The following MACROD2 variants were observed in gnomAD, a reference collection of about 807,000 sequenced individuals.
The protein encoded by MACROD2 is mono-ADP ribosylhydrolase 2.
In MACROD2, 36 loss-of-function variants were observed where a neutral mutation model predicts 70.4. That is an observed-to-expected ratio of 0.51 (90% CI 0.39 to 0.68). The LOEUF (loss-of-function observed/expected upper bound fraction) is 0.68, where lower values mean the gene tolerates loss of function less well. Ranked by LOEUF, MACROD2 falls within the 30% of genes least tolerant of loss-of-function variation. The pLI, the probability that MACROD2 is intolerant of heterozygous loss-of-function variation, is 0.00. For synonymous variants in MACROD2, 172 were observed against 178.8 expected (o/e 0.96, Z 0.30); for missense variants, 496 against 538.4 (o/e 0.92, Z 0.78).
At chr20:15,755,354 C>T (rs1175435800) in intron 8 of MACROD2, among the ~76,000 whole-genome samples, 1 of 152,156 alleles carries the variant, frequency 6.6e-6, no homozygotes, top group African/African-American at 2.4e-5. Flanking sequence ...AGAACAACCT[C>T]AAATGTAAGA....
intron 3 of MACROD2, among the ~76,000 whole-genome samples, chr20:14,147,706 C>T (rs1216037996): frequency 1.3e-5 from 2 of 152,244 alleles, no homozygotes; most frequent in African/African-American, 2.4e-5. Context: ...CCTGTAGTGG[C>T]GTGCATGGAC....
At chr20:14,540,353 A>G (rs553739598) in intron 4 of MACROD2, among the ~76,000 whole-genome samples, 2 of 152,308 alleles carry the variant, frequency 1.3e-5, no homozygotes, top group East Asian at 1.9e-4. Flanking sequence ...AGCAGCTTCA[A>G]TGTGGTGACT....
intron 3 of MACROD2, among the ~76,000 whole-genome samples, chr20:14,285,259 A>G (rs956773414): frequency 6.6e-6 from 1 of 152,200 alleles, no homozygotes; most frequent in African/African-American, 2.4e-5. Context: ...ATTCATCTCT[A>G]TTTTATACAT....
chr20:14,952,084 A>G (rs532789294), intron 5 of MACROD2, among the ~76,000 whole-genome samples: 1 of 151,682 alleles, frequency 6.6e-6, no homozygotes, highest in Non-Finnish European at 1.5e-5. Context: ...ACAAATTACT[A>G]TTTTTCTTTG....
chr20:15,641,770 A>T (rs1215891949), intron 8 of MACROD2, among the ~76,000 whole-genome samples: 1 of 152,106 alleles, frequency 6.6e-6, no homozygotes, highest in African/African-American at 2.4e-5. Context: ...TTTTATTATA[A>T]TTTTTTTATA....
At chr20:14,102,832 A>T (rs368437842) in intron 3 of MACROD2, among the ~76,000 whole-genome samples, 45 of 152,054 alleles carry the variant, frequency 3.0e-4, no homozygotes, top group African/African-American at 8.4e-4. Context: ...AGGATGTAGG[A>T]TGGGGAAGAA....
At chr20:15,959,034 G>A (rs535374170) in intron 12 of MACROD2, among the ~76,000 whole-genome samples, 3 of 152,196 alleles carry the variant, frequency 2.0e-5, no homozygotes, top group African/African-American at 2.4e-5. Flanking sequence ...TATAGTCATT[G>A]CGTTAGGAAA....
chr20:15,331,842 G>T (rs6043211), intron 6 of MACROD2, among the ~76,000 whole-genome samples: 1 of 151,226 alleles, frequency 6.6e-6, no homozygotes, highest in African/African-American at 2.4e-5. Flanking sequence ...AACTTCTCTA[G>T]GGTAATTTTC....
intron 5 of MACROD2, among the ~76,000 whole-genome samples, chr20:15,046,964 G>T (rs1392781500): frequency 1.3e-5 from 2 of 152,180 alleles, no homozygotes; most frequent in Non-Finnish European, 2.9e-5. Context: ...CAGCTGCTGT[G>T]ACTTTCCCTA....
intron 8 of MACROD2, among the ~76,000 whole-genome samples, chr20:15,679,194 G>A (rs2050124434): frequency 6.8e-6 from 1 of 147,704 alleles, no homozygotes; most frequent in South Asian, 2.1e-4. Flanking sequence ...CTGAGATCAT[G>A]TCACTGCACT....
chr20:15,687,613 C>G (rs1438448293), intron 8 of MACROD2, among the ~76,000 whole-genome samples: 1 of 152,100 alleles, frequency 6.6e-6, no homozygotes, highest in Non-Finnish European at 1.5e-5. Flanking sequence ...GGCCAGTGCT[C>G]CCTGGGACCA....
At chr20:15,410,556 G>A (rs1352130134) in intron 6 of MACROD2, among the ~76,000 whole-genome samples, 8 of 152,128 alleles carry the variant, frequency 5.3e-5, no homozygotes, top group Admixed American at 4.6e-4. Context: ...GCCTCTGGTA[G>A]TGGCGACAAT....
chr20:15,283,437 C>T (rs974173738), intron 6 of MACROD2, among the ~76,000 whole-genome samples: 1 of 151,598 alleles, frequency 6.6e-6, no homozygotes, highest in Non-Finnish European at 1.5e-5. Flanking sequence ...CTTTGGGAGG[C>T]CGAGGTGAGT....
intron 3 of MACROD2, among the ~76,000 whole-genome samples, chr20:14,129,739 A>G (rs1450653351): frequency 6.6e-6 from 1 of 152,242 alleles, no homozygotes; most frequent in Admixed American, 6.5e-5. Flanking sequence ...TTGATCGGTC[A>G]GTAGCCATCA....
At chr20:15,052,637 G>A (rs1430330400) in intron 5 of MACROD2, among the ~76,000 whole-genome samples, 3 of 152,148 alleles carry the variant, frequency 2.0e-5, no homozygotes, top group African/African-American at 7.2e-5. Context: ...TCCCCTGTCT[G>A]TCTCCCTCTC....
intron 6 of MACROD2, among the ~76,000 whole-genome samples, chr20:15,371,411 T>TC (rs772274743): frequency 5.3e-5 from 8 of 152,200 alleles, no homozygotes; most frequent in Non-Finnish European, 1.2e-4. Context: ...TTAACTTTTC[T>TC]CTACTTTACA....
chr20:15,311,852 T>G (rs975339091), intron 6 of MACROD2, among the ~76,000 whole-genome samples: 1 of 152,154 alleles, frequency 6.6e-6, no homozygotes, highest in Admixed American at 6.6e-5. Flanking sequence ...ACCTGGTGAT[T>G]GGATCATTTG....
intron 5 of MACROD2, among the ~76,000 whole-genome samples, chr20:14,817,056 C>T (rs1169248023): frequency 6.6e-6 from 1 of 152,002 alleles, no homozygotes; most frequent in Admixed American, 6.6e-5. Flanking sequence ...AAATGTTATT[C>T]GAAGACAACT....
intron 3 of MACROD2, among the ~76,000 whole-genome samples, chr20:14,125,483 CAA>C (rs1236479539): frequency 6.6e-6 from 1 of 151,920 alleles, no homozygotes; most frequent in Non-Finnish European, 1.5e-5. Flanking sequence ...TTTTCTAAAA[CAA>C]AGTGTTCAGT....
Sources: allele counts gnomAD v4.1 joint callset (sites outside exome capture counted in the v4.1 genomes callset), GRCh38; gene constraint gnomAD v4.1.1; transcripts MANE v1.5; gene names NCBI Gene and HGNC (gene_info 2026-07-23, HGNC 2026-07-21).